Variants in CNBD1 observed in about 807,000 individuals in gnomAD.
The protein encoded by CNBD1 is cyclic nucleotide-binding domain-containing protein 1.
A neutral mutation model predicts 54.4 loss-of-function variants in CNBD1; 71 were observed. That is an observed-to-expected ratio of 1.30 (90% CI 1.08 to 1.59). CNBD1 has a LOEUF of 1.59. Among genes scored for constraint, CNBD1 ranks in the 40% most tolerant of loss-of-function variants. The pLI is 0.00. For synonymous variants in CNBD1, 182 were observed against 170.7 expected (o/e 1.07, Z -0.51); for missense variants, 659 against 518.0 (o/e 1.27, Z -2.64).
intron 3 of CNBD1, among the ~76,000 whole-genome samples, chr8:86,925,076 A>G (rs1809335723): frequency 6.6e-6 from 1 of 152,174 alleles, no homozygotes; most frequent in African/African-American, 2.4e-5. Flanking sequence ...ATTATAAGAG[A>G]TGACAGGATT....
intron 3 of CNBD1, among the ~76,000 whole-genome samples, chr8:86,934,940 A>C (rs1175557157): frequency 2.0e-5 from 3 of 152,208 alleles, no homozygotes; most frequent in Non-Finnish European, 4.4e-5. Flanking sequence ...TATCAAGGCT[A>C]GGCTGGCCTC....
chr8:87,193,913 T>A (rs1023351356), intron 4 of CNBD1, among the ~76,000 whole-genome samples: 4 of 152,190 alleles, frequency 2.6e-5, no homozygotes, highest in Non-Finnish European at 5.9e-5. Context: ...TACTATTTCA[T>A]GTATATCCTA....
chr8:87,361,687 T>G (rs1341371535), intron 10 of CNBD1, among the ~76,000 whole-genome samples: 1 of 130,002 alleles, frequency 7.7e-6, no homozygotes, highest in Non-Finnish European at 1.7e-5. Context: ...AATAGTTGGA[T>G]GAATATATAT....
chr8:87,196,365 A>C (rs1006245556), intron 4 of CNBD1, among the ~76,000 whole-genome samples: 4 of 152,214 alleles, frequency 2.6e-5, no homozygotes, highest in Admixed American at 6.5e-5. Flanking sequence ...GAAAGATTAG[A>C]TAAGTTGCAG....
At chr8:87,272,139 C>T (rs1190675569) in intron 6 of CNBD1, among the ~76,000 whole-genome samples, 1 of 151,760 alleles carries the variant, frequency 6.6e-6, no homozygotes, top group Non-Finnish European at 1.5e-5. Flanking sequence ...GGTACAAATA[C>T]ACACTTAGAA....
At chr8:87,413,796 G>A (rs1346587416) in intron 2 of CNBD1, among the ~76,000 whole-genome samples, 6 of 151,282 alleles carry the variant, frequency 4.0e-5, no homozygotes, top group Middle Eastern at 3.4e-3. Context: ...GGCCATCAGA[G>A]AAATGCAAAT....
intron 7 of CNBD1, among the ~76,000 whole-genome samples, chr8:87,285,516 T>G (rs1425216505): frequency 6.6e-6 from 1 of 152,090 alleles, no homozygotes; most frequent in Non-Finnish European, 1.5e-5. Flanking sequence ...GGAGGGTGTA[T>G]CACCTGAGGT....
chr8:87,081,359 A>G (rs1810986839), intron 4 of CNBD1, among the ~76,000 whole-genome samples: 4 of 152,154 alleles, frequency 2.6e-5, no homozygotes, highest in Admixed American at 2.6e-4. Context: ...AGATAAGAGA[A>G]CATACTTCAC....
intron 4 of CNBD1, among the ~76,000 whole-genome samples, chr8:87,192,883 G>C (rs535803142): frequency 6.6e-6 from 1 of 152,172 alleles, no homozygotes; most frequent in African/African-American, 2.4e-5. Context: ...GTATATGTGT[G>C]TTCATATGTG....
Position 87,414,465 on chromosome 8 carries a change from A to C in CNBD1, c.214-14081A>C, listed in dbSNP as rs1345125070. On this transcript the variant is annotated intron_variant, in intron 2 of 7. Coordinates refer to the CNBD1 transcript ENST00000521593. ...TGCAGCACACCAACATGGCACATGT[A>C]TACATATGTAACAAACCTGCACATT... Among the ~76,000 whole-genome samples, 5 of 152,240 alleles carry C rather than the reference A, an allele frequency of 3.3e-5. No individual in the cohort carries two copies. The East Asian group carries it at 7.7e-4, about 24-fold the overall frequency.
chr8:87,278,620 G>T (rs1808530579), intron 6 of CNBD1, among the ~76,000 whole-genome samples: 1 of 151,524 alleles, frequency 6.6e-6, no homozygotes, highest in Non-Finnish European at 1.5e-5. Flanking sequence ...AGTAAAGAAA[G>T]ATCTCATTGC....
chr8:87,165,474 A>T (rs1006932175), intron 4 of CNBD1, among the ~76,000 whole-genome samples: 4 of 151,938 alleles, frequency 2.6e-5, no homozygotes, highest in Admixed American at 6.6e-5. Flanking sequence ...TGTCCTCTCA[A>T]TGGATCGACA....
rs562608943 is a variant in CNBD1, at chr8:87,189,877, A to G, written c.432-16116A>G. ...ACAGAAGGTGATGTGCATATTAATG[A>G]TTAATTATTCAAGAAATACTTCAAG... is the stretch of plus-strand genomic sequence containing the variant. On this transcript the variant is annotated intron_variant, in intron 4 of 10. Transcript: ENST00000518476. Among the ~76,000 whole-genome samples the G allele has an allele frequency of 5.9e-5, 9 of 152,334 alleles. No individual in the cohort carries two copies. The South Asian group carries it at 1.4e-3, about 25-fold the overall frequency.
rs201101985 is a variant in CNBD1, at chr8:87,337,585, C to G, written c.1043-14100C>G. Among the ~76,000 whole-genome samples, 13 of 152,320 alleles carry G rather than the reference C, an allele frequency of 8.5e-5. No homozygotes were observed. The East Asian group carries it at 2.5e-3, about 29-fold the overall frequency. ...TCTGTGTGGCTCCATGGTGGTGACC[C>G]AAGGCCCTGGTGACATGGGCTTTTG... On this transcript the variant is annotated intron_variant, in intron 8 of 10. Coordinates refer to ENST00000518476, the MANE Select transcript of CNBD1 (RefSeq NM_173538.3).
intron 2 of CNBD1, among the ~76,000 whole-genome samples, chr8:87,408,077 A>G (rs1807680082): frequency 6.6e-6 from 1 of 151,986 alleles, no homozygotes; most frequent in Admixed American, 6.6e-5. Flanking sequence ...TTTCTGTATT[A>G]TCTTCTAGAT....
At chr8:87,348,166 A>T (rs913086131) in intron 8 of CNBD1, among the ~76,000 whole-genome samples, 1 of 152,210 alleles carries the variant, frequency 6.6e-6, no homozygotes, top group African/African-American at 2.4e-5. Flanking sequence ...CACAGAATTC[A>T]GAAGGCATTG....
chr8:86,975,953 G>A (rs1191471848), intron 4 of CNBD1, among the ~76,000 whole-genome samples: 1 of 151,592 alleles, frequency 6.6e-6, no homozygotes, highest in Non-Finnish European at 1.5e-5. Context: ...TTTCATTTTG[G>A]TTTTAATTTA....
chr8:87,048,940 G>A (rs186411457), intron 4 of CNBD1, among the ~76,000 whole-genome samples: 1 of 152,198 alleles, frequency 6.6e-6, no homozygotes, highest in Admixed American at 6.5e-5. Flanking sequence ...CTAGGTGAAA[G>A]GTTTGGTGAA....
chr8:87,425,297 A>C (rs1002748834), intron 2 of CNBD1, among the ~76,000 whole-genome samples: 2 of 152,048 alleles, frequency 1.3e-5, no homozygotes, highest in Non-Finnish European at 2.9e-5. Flanking sequence ...TAATTTGATC[A>C]TCTGAAGCCT....
Sources: allele counts gnomAD v4.1 joint callset (sites outside exome capture counted in the v4.1 genomes callset), GRCh38; gene constraint gnomAD v4.1.1; transcripts MANE v1.5; gene names NCBI Gene and HGNC (gene_info 2026-07-23, HGNC 2026-07-21).